IGSF11: variants seen among roughly 807,000 people sequenced by gnomAD.
IGSF11 encodes the protein immunoglobulin superfamily member 11.
A neutral mutation model predicts 41.0 loss-of-function variants in IGSF11; 22 were observed. The observed-to-expected ratio is 0.54, with a 90% CI of 0.38 to 0.77. The LOEUF (loss-of-function observed/expected upper bound fraction) is 0.77. Ranked by LOEUF, IGSF11 falls within the 30% of genes least tolerant of loss-of-function variation. The pLI, the probability that IGSF11 is intolerant of heterozygous loss-of-function variation, is 0.00. For synonymous variants in IGSF11, 219 were observed against 201.3 expected (o/e 1.09, Z -0.74); for missense variants, 444 against 530.8 (o/e 0.84, Z 1.61).
chr3:118,938,321 C>T (rs1459304742), intron 1 of IGSF11, among the ~76,000 whole-genome samples: 1 of 152,170 alleles, frequency 6.6e-6, no homozygotes, highest in Non-Finnish European at 1.5e-5. Flanking sequence ...GCCTGCATTT[C>T]GCATGGCCAT....
intron 1 of IGSF11, among the ~76,000 whole-genome samples, chr3:119,001,613 C>G (rs1380975876): frequency 1.9e-5 from 2 of 105,710 alleles, no homozygotes; most frequent in Non-Finnish European, 3.7e-5. Flanking sequence ...CAATGCTATC[C>G]CTCCCCCCTC....
At chr3:118,942,196 G>A (rs1319956234) in intron 1 of IGSF11, among the ~76,000 whole-genome samples, 1 of 152,130 alleles carries the variant, frequency 6.6e-6, no homozygotes, top group Non-Finnish European at 1.5e-5. Context: ...CAGAATCATG[G>A]AAATGGCTTG....
At chr3:118,933,211 T>C (rs187242595) in intron 1 of IGSF11, among the ~76,000 whole-genome samples, 1 of 152,316 alleles carries the variant, frequency 6.6e-6, no homozygotes, top group East Asian at 1.9e-4. Flanking sequence ...GGTTTGAAAC[T>C]GTACAAATCG....
At chr3:119,029,593 C>T (rs182050314) in intron 1 of IGSF11, among the ~76,000 whole-genome samples, 9 of 152,078 alleles carry the variant, frequency 5.9e-5, no homozygotes, top group South Asian at 4.2e-4. Context: ...CAAAGTGGAA[C>T]GAGAGGACGA....
intron 1 of IGSF11, among the ~76,000 whole-genome samples, chr3:119,071,373 G>A (rs979328467): frequency 6.6e-6 from 1 of 151,988 alleles, no homozygotes; most frequent in African/African-American, 2.4e-5. Context: ...CTGTGCTTTT[G>A]GTGTCATATT....
At chr3:119,058,893 A>C (rs201111048) in intron 1 of IGSF11, among the ~76,000 whole-genome samples, 3,116 of 107,886 alleles carry the variant, frequency 0.029, no homozygotes, top group Non-Finnish European at 0.033. Flanking sequence ...CAAACACCAC[A>C]TGTTCTCACT....
intron 1 of IGSF11, among the ~76,000 whole-genome samples, chr3:119,052,014 A>G (rs762622350): frequency 6.6e-6 from 1 of 152,138 alleles, no homozygotes; most frequent in African/African-American, 2.4e-5. Context: ...TTAAATGCCT[A>G]CATCAAAAAC....
upstream of IGSF11, chr3:119,105,298 G>A: frequency 2.8e-6 from 2 of 707,940 alleles, no homozygotes; most frequent in South Asian, 2.1e-5. Flanking sequence ...GTTTATTTTA[G>A]GAAAACCTTC....
chr3:119,037,422 T>A (rs1216866500), upstream of IGSF11, among the ~76,000 whole-genome samples: 1 of 152,090 alleles, frequency 6.6e-6, no homozygotes, highest in East Asian at 1.9e-4. Flanking sequence ...CTCCTAAAGA[T>A]TTATCCCACC....
intron 1 of IGSF11, among the ~76,000 whole-genome samples, chr3:119,026,674 T>G (rs942367008): frequency 3.9e-5 from 6 of 152,244 alleles, no homozygotes; most frequent in Non-Finnish European, 8.8e-5. Flanking sequence ...CATTAAATCT[T>G]GACCTTTTGT....
chr3:119,081,114 TTGAC>T (rs2107480900), intron 1 of IGSF11, among the ~76,000 whole-genome samples: 1 of 152,330 alleles, frequency 6.6e-6, no homozygotes, highest in Admixed American at 6.5e-5. Flanking sequence ...GATTGAGCAT[TTGAC>T]TGTCTAGTGA....
intron 1 of IGSF11, among the ~76,000 whole-genome samples, chr3:119,031,985 T>C (rs985472314): frequency 6.6e-6 from 1 of 152,246 alleles, no homozygotes; most frequent in African/African-American, 2.4e-5. Flanking sequence ...TTTAGTTATA[T>C]CTAACCCATT....
chr3:118,914,368 C>A (rs1020284244), intron 4 of IGSF11, among the ~76,000 whole-genome samples: 1 of 151,820 alleles, frequency 6.6e-6, no homozygotes, highest in African/African-American at 2.4e-5. Flanking sequence ...CTAGGGAGTG[C>A]CAGACAGTGG....
At chr3:119,039,186 C>T (rs2098286), upstream of IGSF11, among the ~76,000 whole-genome samples, 26,472 of 152,050 alleles carry the variant, frequency 0.17, 2,802 homozygotes, top group South Asian at 0.29. Context: ...AACTTGGTGG[C>T]GTAAAACAAC....
intron 1 of IGSF11, among the ~76,000 whole-genome samples, chr3:119,052,119 A>C (rs967220668): frequency 1.3e-5 from 2 of 152,136 alleles, no homozygotes; most frequent in East Asian, 3.8e-4. Context: ...GAAAAGAAAT[A>C]ACAAATATCA....
intron 1 of IGSF11, among the ~76,000 whole-genome samples, chr3:119,004,109 G>C (rs1937211233): frequency 6.7e-6 from 1 of 149,352 alleles, no homozygotes; most frequent in South Asian, 2.2e-4. Context: ...CTTTTTGGTT[G>C]GTAAACTATT....
At chr3:119,103,827 T>A (rs1426705579) in intron 1 of IGSF11, among the ~76,000 whole-genome samples, 2 of 152,132 alleles carry the variant, frequency 1.3e-5, no homozygotes, top group Admixed American at 1.3e-4. Context: ...TTCCCATAAT[T>A]CCAAATAAGG....
intron 1 of IGSF11, among the ~76,000 whole-genome samples, chr3:119,089,534 A>C (rs2076729727): frequency 1.3e-5 from 2 of 152,116 alleles, no homozygotes; most frequent in South Asian, 4.1e-4. Flanking sequence ...GAGGATGCCC[A>C]CTCTCACCAC....
chr3:119,015,887 C>A (rs1220759405), intron 1 of IGSF11, among the ~76,000 whole-genome samples: 3 of 152,152 alleles, frequency 2.0e-5, no homozygotes, highest in African/African-American at 7.2e-5. Flanking sequence ...CATTACCTGT[C>A]CCACTTTCCA....
Sources: allele counts gnomAD v4.1 joint callset (sites outside exome capture counted in the v4.1 genomes callset), GRCh38; gene constraint gnomAD v4.1.1; transcripts MANE v1.5; gene names NCBI Gene and HGNC (gene_info 2026-07-23, HGNC 2026-07-21).